Variants in MS4A14 observed in about 807,000 individuals in gnomAD.
MS4A14 encodes membrane spanning 4-domains A14.
Under a neutral mutation model 16.7 loss-of-function variants are expected in MS4A14, and 18 were observed. The observed-to-expected ratio is 1.08, with a 90% confidence interval of 0.75 to 1.60. The LOEUF (loss-of-function observed/expected upper bound fraction) is 1.60. Among genes scored for constraint, MS4A14 ranks in the 40% most tolerant of loss-of-function variants. The pLI is 0.00. For missense variants in MS4A14, 812 were observed against 775.3 expected, an observed-to-expected ratio of 1.05 and a Z score of -0.56; for synonymous variants, 305 against 289.4, an observed-to-expected ratio of 1.05 and a Z score of -0.55.
At position 60,416,539 on chromosome 11, in the gene MS4A14, G is replaced by C; in HGVS notation, c.1571G>C (p.Gly524Ala). Residue 524 changes from glycine to alanine, a missense_variant, in exon 5 of 5, where the codon GGC becomes GCC. Gly to Ala is a moderately conservative substitution (Grantham distance 60). Transcript: ENST00000300187. ...CATTCCTTAGATCAGCAAAGCAAAG[G>C]CTGGCAATCTCCAAAGCAGAAATCC... Reference protein sequence around the residue: ...KRHSLDQQSKGWQSPKQKSLD... With the variant: ...KRHSLDQQSKAWQSPKQKSLD... 6.2e-7 allele frequency: 1 copy of C among 1,613,732 alleles called. No homozygotes were observed. The highest frequency in any genetic ancestry group is 8.5e-7 in the Non-Finnish European group (1 of 1,179,912).
At position 60,416,366 on chromosome 11, in the gene MS4A14, A is replaced by G; in HGVS notation, c.1398A>G (p.Glu466=). 1 of 1,614,054 alleles carries G rather than the reference A, an allele frequency of 6.2e-7. No homozygotes were observed. The highest frequency in any genetic ancestry group is 8.5e-7 in the Non-Finnish European group (1 of 1,179,974). The change falls in exon 5 of 5, where the codon GAA becomes GAG. Residue 466 remains glutamate, a synonymous_variant. Transcript: ENST00000300187. ...SYQDIRSEVM[E]ETKEWKSEEE... ...AAGATATTAGATCAGAAGTTATGGA[A>G]GAGACCAAAGAATGGAAATCTGAGG...
chr11:60,400,520 A>C (rs949981781), intron 3 of MS4A14, 66 bp downstream of exon 3: 6 of 1,139,380 alleles, frequency 5.3e-6, no homozygotes, highest in Non-Finnish European at 7.7e-6. Context: ...TTATGTATGA[A>C]GCCTTTAGTA....
chr11:60,417,086 T>G lies in MS4A14; in HGVS notation c.*78T>G. 6.6e-7 allele frequency: 1 copy of G among 1,509,384 alleles called. No homozygotes were observed. The highest frequency in any genetic ancestry group is 2.3e-5 in the East Asian group (1 of 43,872). The allele number at this position is 1,509,384 out of a possible 1,614,324, so 93.5% of individuals were successfully genotyped here. Reference sequence around the variant, plus strand: ...GAAGCACTGGCAAACACAGGATCTATTAGAGAAAGAAGCCCTAAAGCAGAA... The same window carrying G: ...GAAGCACTGGCAAACACAGGATCTAGTAGAGAAAGAAGCCCTAAAGCAGAA... On this transcript the variant is annotated 3_prime_UTR_variant, in exon 5 of 5. Coordinates refer to ENST00000300187, the MANE Select transcript of MS4A14 (RefSeq NM_032597.5).
rs773200121 is a variant in MS4A14, at chr11:60,416,999, G to T, written c.2031G>T (p.Leu677=). 4 of 1,611,370 alleles carry T rather than the reference G, an allele frequency of 2.5e-6. No individual in the cohort carries two copies. In the South Asian group the frequency reaches 3.3e-5, roughly 13 times the overall value. ...TCAATCTTTTGGCCAAGAATCCCCT[G>T]ACTGGATAACTCAGGGCTGGAGAAA... ...RTVNLLAKNP[L]TG is the part of the protein sequence containing the mutation. Residue 677 remains leucine, a synonymous_variant, in exon 5 of 5, where the codon CTG becomes CTT. Transcript: ENST00000300187.
In MS4A14 at chr11:60,397,933, C is replaced by T. The variant is rs1250339190; in HGVS notation, c.220C>T (p.Leu74Phe). 3 of 1,613,682 alleles carry T rather than the reference C, an allele frequency of 1.9e-6. No individual in the cohort carries two copies. Among genetic ancestry groups the T allele is most frequent in the Admixed American group, 3.3e-5 (2 of 60,008 alleles). ...TAATTACATCGGTTTCTCCCAAAGA[C>T]TTCCCCTTGTTGTCCTCACAGGATA... ...ALNYIGFSQR[L>F]PLVVLTGYPF... is the part of the protein sequence containing the mutation. Residue 74 changes from leucine (L) to phenylalanine (F), a missense_variant, in exon 2 of 5, where the codon CTT becomes TTT. Transcript: ENST00000300187.
chr11:60,417,680 C>A lies in MS4A14; in HGVS notation c.*672C>A, dbSNP rs970130766. The A allele has an allele frequency of 6.6e-6, 1 of 152,010 alleles. No homozygotes were observed. Among genetic ancestry groups the A allele is most frequent in the Non-Finnish European group, 1.5e-5 (1 of 68,032 alleles). The allele number at this position is 152,010 out of a possible 1,614,324, so 9.4% of individuals were successfully genotyped here. On this transcript the variant is annotated 3_prime_UTR_variant, in exon 5 of 5. Transcript: ENST00000300187. ...GTTCTTACTTAAAATAAAATGACAA[C>A]AAACCAAATGTTAACACTGTATCAT... is the stretch of plus-strand genomic sequence containing the variant.
chr11:60,404,536 A>G (rs1036611649), intron 4 of MS4A14: 1 of 456,988 alleles, frequency 2.2e-6, no homozygotes, highest in Non-Finnish European at 4.4e-6. Context: ...TCTTTCCAAC[A>G]TTATTCCAGG....
chr11:60,398,176 T>C, intron 2 of MS4A14, 196 bp downstream of exon 2: 1 of 476,528 alleles, frequency 2.1e-6, no homozygotes, highest in Non-Finnish European at 3.7e-6. Flanking sequence ...TCTCAGGTGC[T>C]TAAAATTTGT....
Position 60,396,541 on chromosome 11 carries a change from G to A in MS4A14, c.-38G>A. ...GATCATGATTTGGGCGGCAATGTTTGCTCACTCTTTCCCTTACTAGAGTTC... is the reference window on the plus strand; with the variant it reads ...GATCATGATTTGGGCGGCAATGTTTACTCACTCTTTCCCTTACTAGAGTTC... On this transcript the variant is annotated 5_prime_UTR_variant, in exon 1 of 5. Transcript: ENST00000300187. 1 of 1,602,708 alleles carries A rather than the reference G, an allele frequency of 6.2e-7. No individual in the cohort carries two copies. The highest frequency in any genetic ancestry group is 1.7e-5 in the Admixed American group (1 of 59,046).
In MS4A14 at chr11:60,416,637, A is replaced by C. The variant is rs1366821589; in HGVS notation, c.1669A>C (p.Thr557Pro). 1.2e-6 allele frequency: 2 copies of C among 1,613,782 alleles called. No individual in the cohort carries two copies. Among genetic ancestry groups the C allele is most frequent in the Admixed American group, 3.3e-5 (2 of 59,906 alleles). Residue 557 changes from threonine (T) to proline (P), a missense_variant, in exon 5 of 5, where the codon ACT becomes CCT. By Grantham distance (38) the Thr-to-Pro change is conservative. Coordinates refer to ENST00000300187, the MANE Select transcript of MS4A14 (RefSeq NM_032597.5). The part of the protein sequence containing the change: ...SVDKQAQLNQ[T>P]KEQLPDQQAE... ...AGATAAGCAAGCTCAACTTAATCAA[A>C]CTAAAGAGCAACTCCCAGATCAGCA... is the stretch of plus-strand genomic sequence containing the variant.
rs1243666327 is a variant in MS4A14 at position 60,417,173 on chromosome 11, G to C, written c.*165G>C. ...AGCCCAACATAACCTAGAATGTCAAGACACTCAAGATAAAGACCAACAAGA... is the reference window on the plus strand; with the variant it reads ...AGCCCAACATAACCTAGAATGTCAACACACTCAAGATAAAGACCAACAAGA... On this transcript the variant is annotated 3_prime_UTR_variant, in exon 5 of 5. Coordinates refer to ENST00000300187, the MANE Select transcript of MS4A14 (RefSeq NM_032597.5). The C allele has an allele frequency of 2.9e-5, 23 of 785,462 alleles. No homozygotes were observed. Among genetic ancestry groups the C allele is most frequent in the Non-Finnish European group, 4.4e-5 (23 of 520,162 alleles). 48.7% of individuals were successfully genotyped at this position (785,462 alleles called of 1,614,324 possible).
Position 60,416,354 on chromosome 11 carries a change from A to G in MS4A14, c.1386A>G (p.Ser462=). Residue 462 remains serine (S), a synonymous_variant, in exon 5 of 5, where the codon TCA becomes TCG. Transcript: ENST00000300187. The part of the protein sequence containing the change: ...ILQMSYQDIR[S]EVMEETKEWK... ...AAATGTCATATCAAGATATTAGATCAGAAGTTATGGAAGAGACCAAAGAAT... is the reference window on the plus strand; with the variant it reads ...AAATGTCATATCAAGATATTAGATCGGAAGTTATGGAAGAGACCAAAGAAT... The G allele has an allele frequency of 6.2e-7, 1 of 1,614,048 alleles. No individual in the cohort carries two copies. The highest frequency in any genetic ancestry group is 8.5e-7 in the Non-Finnish European group (1 of 1,179,968).
chr11:60,413,219 C>T (rs1407429175), intron 4 of MS4A14, among the ~76,000 whole-genome samples: 3 of 151,286 alleles, frequency 2.0e-5, no homozygotes, highest in Non-Finnish European at 4.4e-5. Flanking sequence ...TATTAGTTCC[C>T]ATAGCTTTTT....
intron 2 of MS4A14, 78 bp from the exon 3 acceptor site, chr11:60,400,326 T>C: frequency 1.1e-6 from 1 of 939,912 alleles, no homozygotes; most frequent in Non-Finnish European, 1.7e-6. Context: ...ACAGATATTT[T>C]GCAAATCCAA....
intron 4 of MS4A14, chr11:60,405,915 C>A: frequency 6.5e-7 from 1 of 1,535,066 alleles, no homozygotes; most frequent in Non-Finnish European, 8.7e-7. Context: ...TACTGATCAT[C>A]AGCATAGCAG....
intron 2 of MS4A14, among the ~76,000 whole-genome samples, chr11:60,400,080 C>T (rs963015241): frequency 2.0e-5 from 3 of 152,178 alleles, no homozygotes; most frequent in African/African-American, 7.2e-5. Flanking sequence ...GGCACAGCTC[C>T]TCCTCTTCTC....
intron 4 of MS4A14, among the ~76,000 whole-genome samples, chr11:60,408,611 A>T (rs770205630): frequency 8.5e-5 from 13 of 152,336 alleles, no homozygotes; most frequent in African/African-American, 3.1e-4. Context: ...TTCAAGATTA[A>T]TCCATGTTGT....
In MS4A14 at chr11:60,417,356, TGTTTAGCCTA is replaced by T; in HGVS notation, c.*349_*358del. The stretch of plus-strand genomic sequence containing the variant: ...TGGCCAAAGCTCAGTACAAGACACA[TGTTTAGCCTA>T]TTTGTCCAATCTAGATTCAGAACAA... On this transcript the variant is annotated 3_prime_UTR_variant, in exon 5 of 5. Coordinates refer to ENST00000300187, the MANE Select transcript of MS4A14 (RefSeq NM_032597.5). 5.9e-6 allele frequency: 1 copy of T among 170,904 alleles called. No homozygotes were observed. Among genetic ancestry groups the T allele is most frequent in the South Asian group, 1.6e-4 (1 of 6,262 alleles). 10.6% of individuals were successfully genotyped at this position (170,904 alleles called of 1,614,324 possible). A position where few individuals can be genotyped will look rare whatever the true frequency, so the allele number is the denominator to read the frequency against.
chr11:60,401,109 G>A (rs964558771), intron 3 of MS4A14, among the ~76,000 whole-genome samples: 2 of 152,148 alleles, frequency 1.3e-5, no homozygotes, highest in African/African-American at 4.8e-5. Context: ...TAACCTGAAG[G>A]GAAAAGTGCC....
Sources: gnomAD v4.1 joint callset for allele counts (sites outside exome capture counted in the v4.1 genomes callset) on GRCh38, gnomAD v4.1.1 for gene constraint, MANE v1.5 for transcripts, NCBI Gene and HGNC (gene_info 2026-07-23, HGNC 2026-07-21) for gene names.